Variants in CHD8 observed in about 807,000 individuals in gnomAD.
CHD8 encodes the protein chromodomain helicase DNA binding protein 8.
A neutral mutation model predicts 279.2 loss-of-function variants in CHD8; 31 were observed. The observed-to-expected ratio is 0.11, with a 90% CI of 0.08 to 0.15. The LOEUF (loss-of-function observed/expected upper bound fraction) is 0.15. CHD8 is among the 10% of genes least tolerant of loss of function. CHD8 has a pLI of 1.00. For synonymous variants in CHD8, 1,081 were observed against 1,139.6 expected, an observed-to-expected ratio of 0.95 and a Z score of 1.04; for missense variants, 2,146 against 3,230.5, an observed-to-expected ratio of 0.66 and a Z score of 8.14.
Position 21,400,553 on chromosome 14 carries a change from C to T in CHD8, c.4430G>A (p.Arg1477Gln), listed in dbSNP as rs752291265. 7 of 1,611,888 alleles carry T rather than the reference C, an allele frequency of 4.3e-6. No homozygotes were observed. The highest frequency in any genetic ancestry group is 1.1e-5 in the South Asian group (1 of 90,532). Residue 1477 changes from arginine to glutamine, a missense_variant, in exon 23 of 38, where the codon CGA becomes CAA. Physicochemically the swap from Arg to Gln is conservative, Grantham distance 43. Around this residue, in one of 26 missense-constraint regions of CHD8, gnomAD observed 73 missense variants for 153.2 expected, o/e 0.48. Transcript: ENST00000646647. This position sits in a 1 kb window ranked among gnomAD's most constrained non-coding sequence, Gnocchi z 4.2. ...GGCCCGACAAATGGTCTCCACATCT[C>T]GTTCAGTCATACGTCGCTTGAAGCG... ...HGRFKRRMTERDVETICRAIL... is the reference protein window; with the variant it reads ...HGRFKRRMTEQDVETICRAIL...
At position 21,393,640 on chromosome 14, in the gene CHD8, G is replaced by C; in HGVS notation, c.6155C>G (p.Pro2052Arg). The change falls in exon 32 of 38, where the codon CCT becomes CGT. Residue 2052 changes from proline to arginine, a missense_variant. Transcript: ENST00000646647. ...TGGTGGAACACTCCGGGAAACCAGA[G>C]GGGTAGTATCAGAGGGGGATACTCG... Reference protein sequence around the residue: ...EMRVSPSDTTPLVSRSVPPVK... With the variant: ...EMRVSPSDTTRLVSRSVPPVK... The C allele has an allele frequency of 6.2e-7, 1 of 1,614,032 alleles. No homozygotes were observed. The highest frequency in any genetic ancestry group is 1.1e-5 in the South Asian group (1 of 91,080).
intron 13 of CHD8, among the ~76,000 whole-genome samples, chr14:21,407,684 C>T (rs536539248): frequency 1.3e-5 from 2 of 151,840 alleles, no homozygotes; most frequent in Admixed American, 6.6e-5. Flanking sequence ...TCTCGGCTCA[C>T]TGCAGCCTTC....
At chr14:21,396,042 G>C in intron 27 of CHD8, 150 bp from the exon 28 acceptor site, 1 of 635,024 alleles carries the variant, frequency 1.6e-6, no homozygotes, top group Non-Finnish European at 2.8e-6. Flanking sequence ...TGTCGCCCAG[G>C]CTGGAGTGTC....
At position 21,400,653 on chromosome 14, in the gene CHD8, G is replaced by A. The variant is rs777514132; in HGVS notation, c.4371-41C>T. 1.3e-6 allele frequency: 2 copies of A among 1,494,976 alleles called. No individual in the cohort carries two copies. The highest frequency in any genetic ancestry group is 1.8e-6 in the Non-Finnish European group (2 of 1,118,132). The allele number at this position is 1,494,976 out of a possible 1,614,324, so 92.6% of individuals were successfully genotyped here. On this transcript the variant is annotated intron_variant, in intron 22 of 37. Transcript: ENST00000646647. The surrounding 1 kb of genome is among the most constrained non-coding windows in gnomAD (Gnocchi z 4.2). The stretch of plus-strand genomic sequence containing the variant: ...CTATATTAACATTTTTCTGAGAAAT[G>A]ACAGTCCCCTGTCCCTCAGAATCAT...
chr14:21,401,941 C>T lies in CHD8; in HGVS notation c.4062+16G>A, dbSNP rs1346190603. On this transcript the variant is annotated intron_variant, in intron 20 of 37. Coordinates refer to ENST00000646647, the MANE Select transcript of CHD8 (RefSeq NM_001170629.2). ...GTCTCTGTGTTTTTCTAGCCTCTGG[C>T]ATAGACAGAACATGCCTTAGCAAAG... 4 of 1,597,220 alleles carry T rather than the reference C, an allele frequency of 2.5e-6. No homozygotes were observed. The highest frequency in any genetic ancestry group is 3.4e-6 in the Non-Finnish European group (4 of 1,172,866).
rs2139526716 is a variant in CHD8, at chr14:21,426,062, TGCTTG to T, written c.1716+61_1716+65del. 4 of 934,872 alleles carry T rather than the reference TGCTTG, an allele frequency of 4.3e-6. No homozygotes were observed. The East Asian group carries it at 1.0e-4, about 23-fold the overall frequency. The allele number at this position is 934,872 out of a possible 1,614,324, so 57.9% of individuals were successfully genotyped here. A position where few individuals can be genotyped will look rare whatever the true frequency, so the allele number is the denominator to read the frequency against. On this transcript the variant is annotated intron_variant, in intron 5 of 37. Transcript: ENST00000646647. The stretch of plus-strand genomic sequence containing the variant: ...TATAGACTTACGATTTCTCAATATC[TGCTTG>T]GCTTGGTTAGCCATAATTAAACATG...
At chr14:21,386,201 TAAAA>T in intron 37 of CHD8, 25 bp from the exon 38 acceptor site, 3 of 1,522,750 alleles carry the variant, frequency 2.0e-6, no homozygotes, top group South Asian at 1.2e-5. Context: ...TAGAAGATAA[TAAAA>T]AGAAAGAAAG....
Position 21,386,178 on chromosome 14 carries a change from TAGG to T in CHD8, c.7183-5_7183-3del, listed in dbSNP as rs1887222641. 8.4e-6 allele frequency: 13 copies of T among 1,549,782 alleles called. No homozygotes were observed. In the East Asian group the frequency reaches 2.9e-4, roughly 35 times the overall value. On this transcript the variant is annotated splice_polypyrimidine_tract_variant and splice_region_variant and intron_variant, in intron 37 of 37. Transcript: ENST00000646647. ...GAACACCGTTTCAGTGTGATGACCC[TAGG>T]AGGAGGGAATAGAAGATAATAAAAA...
intron 37 of CHD8, 55 bp downstream of exon 37, chr14:21,390,892 T>C (rs1472346927): frequency 9.4e-6 from 8 of 850,808 alleles, no homozygotes; most frequent in Non-Finnish European, 1.6e-5. Context: ...ATTGAAAGAC[T>C]TGTAATCTCA....
chr14:21,430,871 G>A lies in CHD8; in HGVS notation c.773C>T (p.Pro258Leu). The A allele has an allele frequency of 1.3e-6, 2 of 1,599,434 alleles. No individual in the cohort carries two copies. The highest frequency in any genetic ancestry group is 1.7e-6 in the Non-Finnish European group (2 of 1,179,736). ...CCCTGTGGCCCCAGGGTTTCCAGCA[G>A]GAGCTGAACCCTTAACTGGCTGGAG... is the stretch of plus-strand genomic sequence containing the variant. ...LVLQPVKGSA[P>L]AGNPGATGPP... Residue 258 changes from proline to leucine, a missense_variant, in exon 2 of 38, where the codon CCT becomes CTT. This residue lies in a region of CHD8 where 302 missense variants were observed against 325.5 expected (regional missense o/e 0.93). Coordinates refer to ENST00000646647, the MANE Select transcript of CHD8 (RefSeq NM_001170629.2).
At chr14:21,430,757 C>T (rs1245500413) in intron 2 of CHD8, 44 bp downstream of exon 2, 1 of 1,274,542 alleles carries the variant, frequency 7.8e-7, no homozygotes, top group Non-Finnish European at 1.1e-6. Context: ...GTTGCTGGGC[C>T]CTCTATGAAA....
intron 1 of CHD8, among the ~76,000 whole-genome samples, chr14:21,442,464 C>CAAAAT (rs562699342): frequency 3.8e-4 from 58 of 151,262 alleles, no homozygotes; most frequent in Non-Finnish European, 4.1e-4. Flanking sequence ...GACCCTGTCT[C>CAAAAT]AAAATAAAAT....
In CHD8 at chr14:21,415,853, T is replaced by C. The variant is rs1379517708; in HGVS notation, c.1771A>G (p.Ile591Val). 5.0e-6 allele frequency: 8 copies of C among 1,613,936 alleles called. No homozygotes were observed. Among genetic ancestry groups the C allele is most frequent in the Non-Finnish European group, 4.2e-6 (5 of 1,179,898 alleles). The change falls in exon 6 of 38, where the codon ATA becomes GTA. Residue 591 changes from isoleucine (I) to valine (V), a missense_variant. By Grantham distance (29) the Ile-to-Val change is conservative. This residue lies in a region of CHD8 where 123 missense variants were observed against 169.2 expected (regional missense o/e 0.73). Transcript: ENST00000646647. ...TCTTCTTCATCATCTGTGATCTTTA[T>C]ATCCAGGTCCTCTGTATATTTTTTT... is the stretch of plus-strand genomic sequence containing the variant. Reference protein sequence around the residue: ...KRKKYTEDLDIKITDDEEEEE... With the variant: ...KRKKYTEDLDVKITDDEEEEE...
At chr14:21,399,173 C>A (rs1038620287) in intron 26 of CHD8, 9 of 286,208 alleles carry the variant, frequency 3.1e-5, no homozygotes, top group African/African-American at 2.0e-4. Flanking sequence ...CTTCCCTCTG[C>A]CTACTCACCC....
At chr14:21,432,464 A>G (rs887708631) in intron 1 of CHD8, among the ~76,000 whole-genome samples, 1 of 152,196 alleles carries the variant, frequency 6.6e-6, no homozygotes, top group Non-Finnish European at 1.5e-5. Context: ...TCCCCTCTCA[A>G]GAAAACTTTC....
rs1419640255 is a variant in CHD8, at chr14:21,406,837, A to G, written c.2907+19T>C. On this transcript the variant is annotated intron_variant, in intron 14 of 37. Transcript: ENST00000646647. The stretch of plus-strand genomic sequence containing the variant: ...GTTTATTCCAGGTGTTTCTGCTCAC[A>G]AGTCAGTGTGGAACTCACCAGGTCC... 1 of 1,596,616 alleles carries G rather than the reference A, an allele frequency of 6.3e-7. No individual in the cohort carries two copies. Among genetic ancestry groups the G allele is most frequent in the South Asian group, 1.1e-5 (1 of 88,586 alleles).
chr14:21,427,985 C>T lies in CHD8; in HGVS notation c.1485G>A (p.Glu495=), dbSNP rs1889400685. The change falls in exon 4 of 38, where the codon GAG becomes GAA. Residue 495 remains glutamate (E), a synonymous_variant. Transcript: ENST00000646647. ...TCCTGCGTTTCTTCTCGCCTTCCTCCTCTGGCCGAACGCTGGGCAACTCGT... is the reference window on the plus strand; with the variant it reads ...TCCTGCGTTTCTTCTCGCCTTCCTCTTCTGGCCGAACGCTGGGCAACTCGT... The part of the protein sequence containing the change: ...NEDELPSVRP[E]EEGEKKRRKK... 1 of 1,613,948 alleles carries T rather than the reference C, an allele frequency of 6.2e-7. No homozygotes were observed. Among genetic ancestry groups the T allele is most frequent in the Admixed American group, 1.7e-5 (1 of 60,010 alleles).
chr14:21,401,722 C>A (rs1031879711), intron 20 of CHD8: 27 of 579,504 alleles, frequency 4.7e-5, no homozygotes, highest in Admixed American at 4.1e-4. Context: ...GTAGCTGGGA[C>A]GACAGGCGCA....
chr14:21,386,662 C>G (rs1887255641), intron 37 of CHD8, among the ~76,000 whole-genome samples: 1 of 152,000 alleles, frequency 6.6e-6, no homozygotes, highest in African/African-American at 2.4e-5. Context: ...ACGGTGAAAC[C>G]CGGTCTCTAC....
Sources: gnomAD v4.1 joint callset for allele counts (sites outside exome capture counted in the v4.1 genomes callset) on GRCh38, gnomAD v4.1.1 for gene constraint, gnomAD v4.1.1 regional missense constraint, Gnocchi (gnomAD v3.1) non-coding constraint, MANE v1.5 for transcripts, NCBI Gene and HGNC (gene_info 2026-07-23, HGNC 2026-07-21) for gene names.